RIT2: variants seen among roughly 807,000 people sequenced by gnomAD.
RIT2 encodes Ras like without CAAX 2, also known as GTP-binding protein Rit2.
Under a neutral mutation model 23.7 loss-of-function variants are expected in RIT2, and 24 were observed. The observed-to-expected ratio is 1.01, with a 90% CI of 0.73 to 1.43. The LOEUF is 1.43. Among genes scored for constraint, RIT2 ranks in the 40% most tolerant of loss-of-function variants. The probability of loss-of-function intolerance (pLI) is 0.00; values close to 1 mark genes in which losing one functional copy is unlikely to be tolerated. For synonymous variants in RIT2, 107 were observed against 91.1 expected, an observed-to-expected ratio of 1.17 and a Z score of -0.99; for missense variants, 236 against 266.9, an observed-to-expected ratio of 0.88 and a Z score of 0.81.
At chr18:42,846,358 T>C (rs1209677799) in intron 4 of RIT2, among the ~76,000 whole-genome samples, 1 of 151,944 alleles carries the variant, frequency 6.6e-6, no homozygotes, top group East Asian at 1.9e-4. Flanking sequence ...AATCTGTAAC[T>C]AAAAACCTTT....
intron 4 of RIT2, among the ~76,000 whole-genome samples, chr18:42,748,420 C>CA (rs201274093): frequency 1.0e-3 from 154 of 149,208 alleles, no homozygotes; most frequent in East Asian, 2.5e-3. Flanking sequence ...TGGTCATTAT[C>CA]AAAAAAAAAC....
chr18:42,911,149 A>G (rs947882513), intron 4 of RIT2, among the ~76,000 whole-genome samples: 6 of 152,116 alleles, frequency 3.9e-5, no homozygotes, highest in Non-Finnish European at 8.8e-5. Context: ...AAATTTTTCA[A>G]CATCTTGGGA....
At chr18:42,763,675 C>T (rs1483548443) in intron 4 of RIT2, among the ~76,000 whole-genome samples, 5 of 152,116 alleles carry the variant, frequency 3.3e-5, no homozygotes, top group Non-Finnish European at 7.4e-5. Context: ...AAATTAATCT[C>T]AGCTGACTGT....
chr18:43,057,995 T>A (rs1014064331), intron 1 of RIT2, among the ~76,000 whole-genome samples: 3 of 152,020 alleles, frequency 2.0e-5, no homozygotes, highest in African/African-American at 7.2e-5. Flanking sequence ...CAAAGCAAAC[T>A]AGAAATGTAT....
intron 2 of RIT2, among the ~76,000 whole-genome samples, chr18:43,023,286 T>C (rs994087738): frequency 6.6e-6 from 1 of 152,108 alleles, no homozygotes; most frequent in African/African-American, 2.4e-5. Flanking sequence ...ATAAGTGCTT[T>C]GAGTAATTCC....
At chr18:42,929,059 T>C (rs8099582) in intron 3 of RIT2, among the ~76,000 whole-genome samples, 1 of 50,228 alleles carries the variant, frequency 2.0e-5, no homozygotes, top group Non-Finnish European at 4.5e-5. Context: ...ATATATATAT[T>C]TATATGAGAC....
chr18:42,991,970 AC>A (rs1343814813), intron 2 of RIT2, among the ~76,000 whole-genome samples: 2 of 151,930 alleles, frequency 1.3e-5, no homozygotes, highest in East Asian at 3.9e-4. Flanking sequence ...TTTGGTAAGA[AC>A]CCCCATCCCT....
rs138697517 is a variant in RIT2, at chr18:42,944,205, C to T, written c.235-20442G>A. On this transcript the variant is annotated intron_variant, in intron 3 of 4. Coordinates refer to ENST00000326695, the MANE Select transcript of RIT2 (RefSeq NM_002930.4). ...TACCCTAACTTTTCTGTTCCTGTCA[C>T]TTACCGAGCCTCACTTGCTCATACC... Among the ~76,000 whole-genome samples, 352 of 152,256 alleles carry T rather than the reference C, an allele frequency of 2.3e-3. 3 individuals are homozygous for T. Among genetic ancestry groups the T allele is most frequent in the African/African-American group, 8.0e-3 (333 of 41,572 alleles).
intron 1 of RIT2, among the ~76,000 whole-genome samples, chr18:43,074,635 T>A (rs1378056097): frequency 6.6e-6 from 1 of 152,160 alleles, no homozygotes; most frequent in Non-Finnish European, 1.5e-5. Context: ...AGCAATGACA[T>A]GGAATCAACC....
chr18:43,009,170 C>T (rs1010987422), intron 2 of RIT2, among the ~76,000 whole-genome samples: 9 of 151,274 alleles, frequency 5.9e-5, no homozygotes, highest in East Asian at 3.9e-4. Flanking sequence ...CTAAAAAAAC[C>T]GAAGACATCC....
chr18:42,883,619 AAT>A (rs1338118735), intron 4 of RIT2, among the ~76,000 whole-genome samples: 2 of 152,142 alleles, frequency 1.3e-5, no homozygotes, highest in African/African-American at 2.4e-5. Flanking sequence ...TATTTTCAGA[AAT>A]AGATGAATTT....
In RIT2 at chr18:42,927,372, GTGTGTGT is replaced by G. The variant is rs1909208712; in HGVS notation, c.235-3616_235-3610del. On this transcript the variant is annotated intron_variant, in intron 3 of 4. Coordinates refer to ENST00000326695, the MANE Select transcript of RIT2 (RefSeq NM_002930.4). ...ATATATGTTTCCATGTGGATGTGGT[GTGTGTGT>G]GTGTGTGTGTGTGTGTGTGTGTGTG... 3.2e-4 allele frequency among the ~76,000 whole-genome samples: 3 copies of G among 9,478 alleles called. No homozygotes were observed. The Non-Finnish European group carries it at 3.6e-3, about 11-fold the overall frequency. 6.2% of individuals were successfully genotyped at this position (9,478 alleles called of 152,430 possible). A position where few individuals can be genotyped will look rare whatever the true frequency, so the allele number is the denominator to read the frequency against.
chr18:42,970,758 G>A (rs974131747), intron 3 of RIT2, among the ~76,000 whole-genome samples: 10 of 151,812 alleles, frequency 6.6e-5, no homozygotes, highest in Middle Eastern at 3.4e-3. Context: ...ATCACACTTC[G>A]CACTATTGTT....
intron 2 of RIT2, among the ~76,000 whole-genome samples, chr18:42,998,774 C>T (rs1306017634): frequency 6.6e-6 from 1 of 152,008 alleles, no homozygotes; most frequent in Non-Finnish European, 1.5e-5. Flanking sequence ...TAGAAGGCTG[C>T]TCTGTCAGTC....
intron 4 of RIT2, among the ~76,000 whole-genome samples, chr18:42,809,778 T>C (rs1317035394): frequency 6.7e-6 from 1 of 148,240 alleles, no homozygotes; most frequent in African/African-American, 2.5e-5. Context: ...TTTAATGTGA[T>C]AAATATCCCA....
intron 1 of RIT2, among the ~76,000 whole-genome samples, chr18:43,079,801 CA>C (rs1346971972): frequency 3.3e-5 from 5 of 152,150 alleles, no homozygotes; most frequent in Admixed American, 1.3e-4. Flanking sequence ...TGAAGTTCGT[CA>C]TGATTGGACT....
intron 2 of RIT2, among the ~76,000 whole-genome samples, chr18:43,017,968 T>TGTA (rs990092277): frequency 2.0e-5 from 3 of 152,072 alleles, no homozygotes; most frequent in Non-Finnish European, 4.4e-5. Context: ...TACACACACG[T>TGTA]TTACTGCAAG....
At chr18:43,107,404 C>T (rs1199603591) in intron 1 of RIT2, among the ~76,000 whole-genome samples, 1 of 152,136 alleles carries the variant, frequency 6.6e-6, no homozygotes, top group Non-Finnish European at 1.5e-5. Context: ...GTGGGCTTTT[C>T]ACAGGTCTAG....
chr18:42,923,822 G>A, intron 3 of RIT2, 59 bp from the exon 4 acceptor site: 6 of 1,266,778 alleles, frequency 4.7e-6, no homozygotes, highest in Non-Finnish European at 5.5e-6. Flanking sequence ...ATTAATATGA[G>A]GTTTAAATGT....
Sources: gnomAD v4.1 joint callset for allele counts (sites outside exome capture counted in the v4.1 genomes callset) on GRCh38, gnomAD v4.1.1 for gene constraint, MANE v1.5 for transcripts, NCBI Gene and HGNC (gene_info 2026-07-23, HGNC 2026-07-21) for gene names.